The following ASNS variants were observed in gnomAD, a reference collection of about 807,000 sequenced individuals.
The protein encoded by ASNS is asparagine synthetase (glutamine-hydrolyzing), also known as asparagine synthetase [glutamine-hydrolyzing].
A neutral mutation model predicts 62.6 loss-of-function variants in ASNS; 37 were observed. The ratio of observed to expected loss-of-function variants is 0.59; its 90% CI spans 0.45 to 0.78. The LOEUF (loss-of-function observed/expected upper bound fraction) is 0.78. ASNS is among the 30% of genes least tolerant of loss of function. The probability of loss-of-function intolerance (pLI) is 0.00; values close to 1 mark genes in which losing one functional copy is unlikely to be tolerated. For missense variants in ASNS, 520 were observed against 682.4 expected, an observed-to-expected ratio of 0.76 and a Z score of 2.65; for synonymous variants, 207 against 237.9, an observed-to-expected ratio of 0.87 and a Z score of 1.19.
the ASNS span, among the ~76,000 whole-genome samples, chr7:97,878,949 A>G: frequency 6.6e-6 from 1 of 152,236 alleles, no homozygotes; most frequent in South Asian, 2.1e-4. Flanking sequence ...AAACAGAGAT[A>G]TAGACCAATG....
At chr7:97,876,371 T>C (rs746576673), upstream of ASNS, among the ~76,000 whole-genome samples, 6 of 151,934 alleles carry the variant, frequency 3.9e-5, no homozygotes, top group Non-Finnish European at 7.4e-5. Context: ...ATAATCATAA[T>C]CATAATAGCT....
At chr7:97,926,659 G>A in the ASNS span, among the ~76,000 whole-genome samples, 5 of 152,090 alleles carry the variant, frequency 3.3e-5, no homozygotes, top group Non-Finnish European at 1.5e-5. Context: ...TCAAGGGGCC[G>A]CCAGACTGAG....
At chr7:97,852,937 C>T (rs972573628) in intron 12 of ASNS, 123 bp downstream of exon 12, 46 of 928,316 alleles carry the variant, frequency 5.0e-5, no homozygotes, top group Non-Finnish European at 6.1e-5. Flanking sequence ...ATCATTCAAA[C>T]TAAATACATG....
the ASNS span, among the ~76,000 whole-genome samples, chr7:97,893,474 C>A: frequency 6.6e-6 from 1 of 152,352 alleles, no homozygotes; most frequent in South Asian, 2.1e-4. Context: ...ACAACGTCTA[C>A]AAGAAACTCA....
intron 11 of ASNS, 40 bp from the exon 12 acceptor site, chr7:97,853,255 A>C (rs1180782929): frequency 1.2e-6 from 2 of 1,610,664 alleles, no homozygotes; most frequent in African/African-American, 1.3e-5. Context: ...AAAAATTACA[A>C]ATATAATCTG....
the ASNS span, among the ~76,000 whole-genome samples, chr7:97,909,836 A>G: frequency 6.6e-6 from 1 of 152,142 alleles, no homozygotes; most frequent in African/African-American, 2.4e-5. Flanking sequence ...AGTAAATCAC[A>G]TTAACTCATG....
At chr7:97,917,858 G>A in the ASNS span, among the ~76,000 whole-genome samples, 6 of 152,220 alleles carry the variant, frequency 3.9e-5, no homozygotes, top group East Asian at 1.9e-4. Flanking sequence ...GCACAAGGCC[G>A]GCGCTGTGAA....
chr7:97,885,478 C>T, the ASNS span, among the ~76,000 whole-genome samples: 15 of 152,326 alleles, frequency 9.8e-5, 1 homozygote, highest in African/African-American at 3.1e-4. Flanking sequence ...AGAAAGAAAG[C>T]CTTTCCTCAC....
chr7:97,854,538 GTTTT>G, intron 10 of ASNS, 38 bp downstream of exon 10: 4 of 1,587,384 alleles, frequency 2.5e-6, no homozygotes, highest in Non-Finnish European at 3.4e-6. Flanking sequence ...TGTTTTTGGT[GTTTT>G]TTTGTTTTTG....
chr7:97,891,085 A>T, the ASNS span, among the ~76,000 whole-genome samples: 2 of 140,454 alleles, frequency 1.4e-5, no homozygotes, highest in Non-Finnish European at 3.2e-5. Flanking sequence ...CAATTTACAA[A>T]AGAAAGAGGT....
intron 4 of ASNS, among the ~76,000 whole-genome samples, chr7:97,861,302 G>A (rs772742503): frequency 3.3e-5 from 5 of 152,164 alleles, no homozygotes; most frequent in African/African-American, 7.2e-5. Flanking sequence ...ATAAGCCATC[G>A]CGCCTGGCCT....
the ASNS span, among the ~76,000 whole-genome samples, chr7:97,923,640 C>T: frequency 1.3e-5 from 2 of 152,184 alleles, no homozygotes; most frequent in African/African-American, 4.8e-5. Context: ...AGTCTCCAGC[C>T]CAAACCTGCC....
chr7:97,879,517 T>G, the ASNS span, among the ~76,000 whole-genome samples: 1 of 152,166 alleles, frequency 6.6e-6, no homozygotes, highest in East Asian at 1.9e-4. Context: ...TTGCTGGCTT[T>G]GAAGATGTGA....
intron 6 of ASNS, 83 bp from the exon 7 acceptor site, chr7:97,858,488 C>T (rs1791564926): frequency 2.0e-6 from 3 of 1,509,450 alleles, no homozygotes; most frequent in Admixed American, 4.0e-5. Flanking sequence ...TCCTGATAAA[C>T]ACCAAGATCA....
chr7:97,914,965 G>T, the ASNS span, among the ~76,000 whole-genome samples: 2 of 152,358 alleles, frequency 1.3e-5, no homozygotes, highest in East Asian at 3.9e-4. Flanking sequence ...AAGAGAAGAA[G>T]TGTGAATTTT....
intron 3 of ASNS, among the ~76,000 whole-genome samples, chr7:97,867,158 C>CCCTGA (rs1792020139): frequency 6.7e-6 from 1 of 148,768 alleles, no homozygotes; most frequent in African/African-American, 2.4e-5. Context: ...GGCTGCAGGC[C>CCCTGA]CTGATACTCC....
the ASNS span, among the ~76,000 whole-genome samples, chr7:97,927,150 G>A: frequency 7.0e-6 from 1 of 143,064 alleles, no homozygotes; most frequent in Non-Finnish European, 1.5e-5. Flanking sequence ...AAACTCCTGG[G>A]CTCAAGCGAT....
chr7:97,916,943 C>A, the ASNS span, among the ~76,000 whole-genome samples: 3 of 152,090 alleles, frequency 2.0e-5, no homozygotes, highest in Non-Finnish European at 2.9e-5. Context: ...GCTGCCTAGG[C>A]CCCTGGGGCT....
the ASNS span, among the ~76,000 whole-genome samples, chr7:97,901,549 A>T: frequency 6.6e-6 from 1 of 152,214 alleles, no homozygotes; most frequent in African/African-American, 2.4e-5. Context: ...GTGGTTCCAT[A>T]CAAGTTTGTT....
Sources: allele counts gnomAD v4.1 joint callset (sites outside exome capture counted in the v4.1 genomes callset), GRCh38; gene constraint gnomAD v4.1.1; transcripts MANE v1.5; gene names NCBI Gene and HGNC (gene_info 2026-07-23, HGNC 2026-07-21).